CP: variants seen among roughly 807,000 people sequenced by gnomAD.
The protein encoded by CP is ceruloplasmin.
A neutral mutation model predicts 122.4 loss-of-function variants in CP; 64 were observed. The ratio of observed to expected loss-of-function variants is 0.52; its 90% confidence interval spans 0.43 to 0.64. The LOEUF is 0.64. Ranked by LOEUF, CP falls within the 30% of genes least tolerant of loss-of-function variation. The probability of loss-of-function intolerance (pLI) is 0.00; values close to 1 mark genes in which losing one functional copy is unlikely to be tolerated. For synonymous variants in CP, 440 were observed against 436.4 expected (o/e 1.01, Z -0.10); for missense variants, 1,167 against 1,284.4 (o/e 0.91, Z 1.40).
At chr3:149,189,659 A>G (rs1726417610) in intron 9 of CP, among the ~76,000 whole-genome samples, 1 of 152,168 alleles carries the variant, frequency 6.6e-6, no homozygotes, top group Non-Finnish European at 1.5e-5. Flanking sequence ...TCTTTTTGAG[A>G]AGAAAATATT....
chr3:149,182,239 A>G (rs1362502043), intron 13 of CP, 106 bp from the exon 14 acceptor site: 7 of 1,304,462 alleles, frequency 5.4e-6, no homozygotes, highest in Non-Finnish European at 6.6e-6. Context: ...GGTTTGTGGT[A>G]TAATACTCTT....
chr3:149,179,711 TACACACACACACACACACAC>T (rs71304221), intron 14 of CP, 49 bp from the exon 15 acceptor site: 2 of 608,970 alleles, frequency 3.3e-6, no homozygotes, highest in Non-Finnish European at 2.9e-6. Flanking sequence ...GTTTATATTG[TACACACACACACACACACAC>T]ACACACACAC....
chr3:149,174,049 C>T (rs1392050255), intron 18 of CP, among the ~76,000 whole-genome samples: 2 of 152,122 alleles, frequency 1.3e-5, no homozygotes, highest in Non-Finnish European at 2.9e-5. Flanking sequence ...TATCTTGTGC[C>T]TCCTGATATG....
At chr3:149,181,134 A>G (rs1725746557) in intron 14 of CP, among the ~76,000 whole-genome samples, 2 of 152,114 alleles carry the variant, frequency 1.3e-5, no homozygotes, top group Non-Finnish European at 2.9e-5. Flanking sequence ...AAAGGTGTCC[A>G]TCAGAACATC....
intron 6 of CP, among the ~76,000 whole-genome samples, chr3:149,205,848 T>C (rs958288998): frequency 6.6e-6 from 1 of 152,206 alleles, no homozygotes; most frequent in Non-Finnish European, 1.5e-5. Flanking sequence ...ATAGTGTAAC[T>C]GTACTTAATG....
At position 149,177,823 on chromosome 3, in the gene CP, C is replaced by T. The variant is rs1408304411; in HGVS notation, c.3018+17G>A. 6.2e-7 allele frequency: 1 copy of T among 1,612,296 alleles called. No homozygotes were observed. The highest frequency in any genetic ancestry group is 2.2e-5 in the East Asian group (1 of 44,876). On this transcript the variant is annotated intron_variant, in intron 17 of 18. Coordinates refer to ENST00000264613, the MANE Select transcript of CP (RefSeq NM_000096.4). ...TTTTCAAACAGAGCAAGAGTAATTG[C>T]CATGGATAGCTCTTACCTTGTATTG...
chr3:149,208,805 C>T (rs1727922173), intron 4 of CP, among the ~76,000 whole-genome samples: 1 of 152,126 alleles, frequency 6.6e-6, no homozygotes, highest in Admixed American at 6.5e-5. Flanking sequence ...AAACGAATAC[C>T]TTTCAGAACT....
chr3:149,189,280 G>A (rs769884707), intron 9 of CP, among the ~76,000 whole-genome samples: 5 of 152,122 alleles, frequency 3.3e-5, no homozygotes, highest in Admixed American at 6.6e-5. Flanking sequence ...AAGGCCAGGC[G>A]TGGTAGCTCA....
intron 18 of CP, among the ~76,000 whole-genome samples, chr3:149,174,144 C>G (rs1332249476): frequency 6.6e-6 from 1 of 152,100 alleles, no homozygotes; most frequent in African/African-American, 2.4e-5. Context: ...AAACATTAGA[C>G]AAACTCAAAT....
intron 9 of CP, among the ~76,000 whole-genome samples, chr3:149,197,948 G>T (rs1471879690): frequency 6.6e-6 from 1 of 152,172 alleles, no homozygotes; most frequent in Admixed American, 6.5e-5. Flanking sequence ...TGTGGGGGAT[G>T]TTGGGGACCC....
chr3:149,196,844 C>A (rs536764323), intron 9 of CP, among the ~76,000 whole-genome samples: 2 of 152,352 alleles, frequency 1.3e-5, no homozygotes, highest in East Asian at 3.9e-4. Flanking sequence ...GCCATCGCAT[C>A]CCCTGTGACT....
chr3:149,180,759 A>G (rs2108223150), intron 14 of CP, among the ~76,000 whole-genome samples: 1 of 152,268 alleles, frequency 6.6e-6, no homozygotes, highest in African/African-American at 2.4e-5. Flanking sequence ...CTGTCTGGCC[A>G]TCTCTGCTTT....
At chr3:149,187,216 A>G (rs1726235558) in intron 10 of CP, among the ~76,000 whole-genome samples, 1 of 152,132 alleles carries the variant, frequency 6.6e-6, no homozygotes, top group Admixed American at 6.5e-5. Flanking sequence ...ATTATTTTTG[A>G]TGATTAATAT....
intron 9 of CP, among the ~76,000 whole-genome samples, chr3:149,193,542 T>C (rs1726683359): frequency 6.6e-6 from 1 of 152,180 alleles, no homozygotes; most frequent in Non-Finnish European, 1.5e-5. Context: ...ATTTTCTTCT[T>C]TTACCTCCAT....
At chr3:149,186,236 A>G in intron 11 of CP, 1 of 458,284 alleles carries the variant, frequency 2.2e-6, no homozygotes, top group South Asian at 2.3e-5. Flanking sequence ...AGCTATCTTT[A>G]AAAGGACCAT....
At chr3:149,207,718 TG>T in intron 4 of CP, 101 bp from the exon 5 acceptor site, 1 of 1,247,488 alleles carries the variant, frequency 8.0e-7, no homozygotes, top group Non-Finnish European at 1.2e-6. Flanking sequence ...GGCAAATATC[TG>T]GCACACATGC....
At chr3:149,172,104 C>T (rs1355708969), downstream of CP, 2 of 1,612,516 alleles carry the variant, frequency 1.2e-6, no homozygotes, top group Non-Finnish European at 1.7e-6. Context: ...GAAACATTGT[C>T]AATTGTTGCT....
intron 8 of CP, among the ~76,000 whole-genome samples, chr3:149,199,116 T>C (rs1461634926): frequency 1.3e-5 from 2 of 152,178 alleles, no homozygotes; most frequent in African/African-American, 4.8e-5. Flanking sequence ...CACTGGTCCT[T>C]CTTGATGTGT....
intron 11 of CP, chr3:149,186,023 A>AAC (rs1235646323): frequency 5.6e-6 from 1 of 178,232 alleles, no homozygotes; most frequent in Non-Finnish European, 1.2e-5. Context: ...TTTTGATTAA[A>AAC]ATTCTTTCTC....
Sources: allele counts gnomAD v4.1 joint callset (sites outside exome capture counted in the v4.1 genomes callset), GRCh38; gene constraint gnomAD v4.1.1; transcripts MANE v1.5; gene names NCBI Gene and HGNC (gene_info 2026-07-23, HGNC 2026-07-21).